The following FGF20 variants were observed in gnomAD, a reference collection of about 807,000 sequenced individuals.
The protein encoded by FGF20 is fibroblast growth factor 20.
Under a neutral mutation model 16.7 loss-of-function variants are expected in FGF20, and 8 were observed. The observed-to-expected ratio is 0.48, with a 90% CI of 0.28 to 0.87. The LOEUF is 0.87. FGF20 is among the 40% of genes least tolerant of loss of function. The pLI, the probability that FGF20 is intolerant of heterozygous loss-of-function variation, is 0.10. For missense variants in FGF20, 397 were observed against 281.4 expected (o/e 1.41, Z -2.94); for synonymous variants, 161 against 118.6 (o/e 1.36, Z -2.32).
intron 1 of FGF20, 109 bp from the exon 2 acceptor site, chr8:16,995,867 TATA>T (rs1810031058): frequency 1.7e-6 from 1 of 574,148 alleles, no homozygotes. Flanking sequence ...TATTGCCAAA[TATA>T]ATGATGTACG....
At chr8:16,994,690 T>C (rs141322818) in intron 2 of FGF20, among the ~76,000 whole-genome samples, 19 of 152,178 alleles carry the variant, frequency 1.2e-4, no homozygotes, top group African/African-American at 4.3e-4. Context: ...CAGTTGAGAG[T>C]TTAAGAAAAA....
chr8:16,996,057 A>G (rs10088536), intron 1 of FGF20, among the ~76,000 whole-genome samples: 6,426 of 152,214 alleles, frequency 0.042, 445 homozygotes, highest in African/African-American at 0.15. Flanking sequence ...TGGGAAGTTG[A>G]CACCCTTTGC....
At chr8:16,995,837 T>C in intron 1 of FGF20, 79 bp from the exon 2 acceptor site, 5 of 753,042 alleles carry the variant, frequency 6.6e-6, no homozygotes, top group Non-Finnish European at 8.8e-6. Flanking sequence ...ATCTTCCAAA[T>C]AGTAGCGGTA....
intron 1 of FGF20, 70 bp downstream of exon 1, chr8:17,001,677 G>A (rs1045412088): frequency 1.4e-5 from 21 of 1,451,954 alleles, no homozygotes; most frequent in Non-Finnish European, 1.9e-5. Flanking sequence ...AAAGAGGGAG[G>A]TGCAAGGGGA....
chr8:17,000,020 T>A (rs1810146174), intron 1 of FGF20, among the ~76,000 whole-genome samples: 1 of 152,174 alleles, frequency 6.6e-6, no homozygotes, highest in African/African-American at 2.4e-5. Context: ...AAGTCATCCT[T>A]AAAGGCAAGA....
chr8:16,999,518 CTTTTTTT>C (rs370808443), intron 1 of FGF20, among the ~76,000 whole-genome samples: 79 of 85,850 alleles, frequency 9.2e-4, no homozygotes, highest in African/African-American at 3.0e-3. Flanking sequence ...TACAAGTTTC[CTTTTTTT>C]TTTTTTTTTT....
At chr8:16,994,194 G>A (rs2904641) in intron 2 of FGF20, among the ~76,000 whole-genome samples, 145,705 of 152,124 alleles carry the variant, frequency 0.96, 70,085 homozygotes, top group East Asian at 1. Flanking sequence ...TTTTTCCATC[G>A]TTAGAGGCCA....
Position 16,996,371 on chromosome 8 carries a change from G to A in FGF20, c.287-613C>T, listed in dbSNP as rs183328012. Among the ~76,000 whole-genome samples the A allele has an allele frequency of 2.0e-5, 3 of 152,134 alleles. No individual in the cohort carries two copies. In the East Asian group the frequency reaches 5.8e-4, roughly 29 times the overall value. On this transcript the variant is annotated intron_variant, in intron 1 of 2. Transcript: ENST00000180166. Reference sequence around the variant, plus strand: ...GAGCTGGGTCTGAATTCCAGTTCAGGAACTTACTAACCAGGTTGAGCAGGC... The same window carrying A: ...GAGCTGGGTCTGAATTCCAGTTCAGAAACTTACTAACCAGGTTGAGCAGGC...
chr8:16,996,579 C>G (rs1435949581), intron 1 of FGF20, among the ~76,000 whole-genome samples: 2 of 152,092 alleles, frequency 1.3e-5, no homozygotes, highest in Admixed American at 6.5e-5. Context: ...TTAATTATAA[C>G]CATTTTCTAT....
chr8:17,000,959 G>C (rs1172840996), intron 1 of FGF20, among the ~76,000 whole-genome samples: 2 of 151,992 alleles, frequency 1.3e-5, no homozygotes, highest in African/African-American at 4.8e-5. Flanking sequence ...CAAGATACTT[G>C]CTTTCAGGTT....
At chr8:17,000,622 T>C (rs1435901847) in intron 1 of FGF20, among the ~76,000 whole-genome samples, 1 of 152,144 alleles carries the variant, frequency 6.6e-6, no homozygotes, top group African/African-American at 2.4e-5. Context: ...TTGACATTGC[T>C]AGCAGGTTAA....
At position 17,001,905 on chromosome 8, in the gene FGF20, G is replaced by C. The variant is rs1455087624; in HGVS notation, c.128C>G (p.Ala43Gly). Residue 43 changes from alanine to glycine, a missense_variant, in exon 1 of 3, where the codon GCG (alanine) becomes GGG (glycine). Ala to Gly is a moderately conservative substitution (Grantham distance 60). Coordinates refer to ENST00000180166, the MANE Select transcript of FGF20 (RefSeq NM_019851.3). ...CCCGCCGCGCGCGCTCCGCTCCGCC[G>C]CGCTCCTGCGCTCGCCCAGCAGCGG... ...RPPLLGERRSAAERSARGGPG... is the reference protein window; with the variant it reads ...RPPLLGERRSGAERSARGGPG... 8 of 1,468,360 alleles carry C rather than the reference G, an allele frequency of 5.4e-6. No individual in the cohort carries two copies. Among genetic ancestry groups the C allele is most frequent in the Non-Finnish European group, 7.2e-6 (8 of 1,112,034 alleles). 91.0% of individuals were successfully genotyped at this position (1,468,360 alleles called of 1,614,324 possible).
intron 1 of FGF20, among the ~76,000 whole-genome samples, chr8:17,001,458 G>C (rs376613205): frequency 1.3e-5 from 2 of 152,096 alleles, no homozygotes; most frequent in Admixed American, 1.3e-4. Flanking sequence ...CAAGGGGAAG[G>C]CAGGAAGGAG....
At chr8:16,993,587 G>A (rs1012011925) in intron 2 of FGF20, among the ~76,000 whole-genome samples, 1 of 152,144 alleles carries the variant, frequency 6.6e-6, no homozygotes, top group Non-Finnish European at 1.5e-5. Context: ...GGACCAGGAT[G>A]GGGACACGGG....
Position 17,002,006 on chromosome 8 carries a change from G to A in FGF20, c.27C>T (p.Gly9=). MAPLAEVG[G]FLGGLEGLGQ... is the part of the protein sequence containing the mutation. ...CCAAGCCCTCCAGGCCGCCCAGAAA[G>A]CCCCCGACTTCGGCTAAGGGAGCCA... The change falls in exon 1 of 3, where the codon GGC becomes GGT. Residue 9 remains glycine (G), a synonymous_variant. Coordinates refer to ENST00000180166, the MANE Select transcript of FGF20 (RefSeq NM_019851.3). 2.6e-6 allele frequency: 4 copies of A among 1,535,090 alleles called. No homozygotes were observed. Among genetic ancestry groups the A allele is most frequent in the Non-Finnish European group, 3.5e-6 (4 of 1,141,374 alleles).
chr8:16,995,038 G>T (rs1019319081), intron 2 of FGF20, among the ~76,000 whole-genome samples: 1 of 152,094 alleles, frequency 6.6e-6, no homozygotes, highest in Non-Finnish European at 1.5e-5. Flanking sequence ...AACTTAAGTG[G>T]CATATTTAAA....
Position 16,992,384 on chromosome 8 carries a change from A to G in FGF20, c.*688T>C, listed in dbSNP as rs568573477. 3.3e-5 allele frequency: 5 copies of G among 152,194 alleles called. 1 individual carries two copies. The highest frequency in any genetic ancestry group is 1.2e-4 in the African/African-American group (5 of 41,562). The allele number at this position is 152,194 out of a possible 1,614,324, so 9.4% of individuals were successfully genotyped here. ...ATAATAATGTCCTCTTTACAGAGCA[A>G]GACACCACAATAAAGTAATGGCACA... On this transcript the variant is annotated 3_prime_UTR_variant, in exon 3 of 3. Transcript: ENST00000180166.
At chr8:16,997,495 A>G (rs1313405589) in intron 1 of FGF20, among the ~76,000 whole-genome samples, 1 of 152,236 alleles carries the variant, frequency 6.6e-6, no homozygotes. Context: ...GCTGGGCTCT[A>G]TTCTATCCAA....
chr8:17,001,794 A>G lies in FGF20; in HGVS notation c.239T>C (p.Leu80Pro). The change falls in exon 1 of 3, where the codon CTG (leucine) becomes CCG (proline). Residue 80 changes from leucine (L) to proline (P), a missense_variant. Physicochemically the swap from Leu to Pro is moderately conservative, Grantham distance 98 (BLOSUM62 -3). Coordinates refer to ENST00000180166, the MANE Select transcript of FGF20 (RefSeq NM_019851.3). The part of the protein sequence containing the change: ...YCRTGFHLQI[L>P]PDGSVQGTRQ... Reference sequence around the variant, plus strand: ...GGTGCCCTGCACGCTGCCGTCGGGCAGGATCTGCAGGTGGAAGCCGGTGCG... The same window carrying G: ...GGTGCCCTGCACGCTGCCGTCGGGCGGGATCTGCAGGTGGAAGCCGGTGCG... The G allele has an allele frequency of 6.4e-7, 1 of 1,568,526 alleles. No homozygotes were observed. Among genetic ancestry groups the G allele is most frequent in the Non-Finnish European group, 8.6e-7 (1 of 1,161,560 alleles).
Sources: allele counts gnomAD v4.1 joint callset (sites outside exome capture counted in the v4.1 genomes callset), GRCh38; gene constraint gnomAD v4.1.1; transcripts MANE v1.5; gene names NCBI Gene and HGNC (gene_info 2026-07-23, HGNC 2026-07-21).